The following KCMF1 variants were observed in gnomAD, a reference collection of about 807,000 sequenced individuals.
The protein encoded by KCMF1 is E3 ubiquitin-protein ligase KCMF1.
KCMF1 carries 3 observed loss-of-function variants against 41.1 expected under a neutral mutation model. That is an observed-to-expected ratio of 0.07 (90% CI 0.03 to 0.19). The LOEUF is 0.19. KCMF1 is among the 10% of genes least tolerant of loss of function. KCMF1 has a pLI of 1.00. For synonymous variants in KCMF1, 142 were observed against 164.5 expected (o/e 0.86, Z 1.04); for missense variants, 286 against 488.9 (o/e 0.58, Z 3.91).
Position 84,988,743 on chromosome 2 carries a change from A to G in KCMF1, c.16+17276A>G, listed in dbSNP as rs550979028. Among the ~76,000 whole-genome samples, 7 of 152,348 alleles carry G rather than the reference A, an allele frequency of 4.6e-5. No individual in the cohort carries two copies. In the East Asian group the frequency reaches 1.4e-3, roughly 29 times the overall value. ...GAGAGAAAGCCAGGATTTTTAATCA[A>G]ACTCTATCACAGACCAAAGCCCATG... On this transcript the variant is annotated intron_variant, in intron 1 of 6. Coordinates refer to ENST00000409785, the MANE Select transcript of KCMF1 (RefSeq NM_020122.5).
intron 1 of KCMF1, among the ~76,000 whole-genome samples, chr2:84,993,798 A>G (rs1413331027): frequency 6.7e-6 from 1 of 150,036 alleles, no homozygotes; most frequent in Non-Finnish European, 1.5e-5. Context: ...CTGGTCTCAA[A>G]CTCCTGACCT....
intron 2 of KCMF1, among the ~76,000 whole-genome samples, chr2:85,029,975 G>A (rs967219472): frequency 1.3e-5 from 2 of 151,968 alleles, no homozygotes; most frequent in African/African-American, 2.4e-5. Flanking sequence ...GAGCCACCAC[G>A]CCTGGCTTCG....
chr2:85,040,319 C>T (rs1157834877), intron 3 of KCMF1, among the ~76,000 whole-genome samples: 1 of 152,014 alleles, frequency 6.6e-6, no homozygotes, highest in Non-Finnish European at 1.5e-5. Context: ...AGGGTCAGTA[C>T]CCTAAAGTTA....
chr2:84,994,588 A>T (rs1020259444), intron 1 of KCMF1, among the ~76,000 whole-genome samples: 1 of 151,938 alleles, frequency 6.6e-6, no homozygotes, highest in African/African-American at 2.4e-5. Flanking sequence ...TTTTTAGTAG[A>T]AACGGGGTTT....
chr2:85,050,827 G>A (rs1053757236), intron 6 of KCMF1, among the ~76,000 whole-genome samples: 2 of 152,264 alleles, frequency 1.3e-5, no homozygotes, highest in South Asian at 2.1e-4. Flanking sequence ...TAATACAGTG[G>A]TGCATGTGTA....
chr2:84,995,194 A>G (rs1336776774), intron 1 of KCMF1, among the ~76,000 whole-genome samples: 2 of 151,690 alleles, frequency 1.3e-5, no homozygotes, highest in African/African-American at 4.8e-5. Context: ...GCTAATTTTC[A>G]TATTTTTAGT....
intron 1 of KCMF1, among the ~76,000 whole-genome samples, chr2:85,024,599 T>C (rs2104023690): frequency 6.6e-6 from 1 of 152,086 alleles, no homozygotes; most frequent in Middle Eastern, 3.4e-3. Flanking sequence ...TGTGTGTGTG[T>C]GTGTGTGCGC....
intron 1 of KCMF1, among the ~76,000 whole-genome samples, chr2:85,024,543 A>T (rs1179194395): frequency 1.4e-5 from 2 of 146,184 alleles, no homozygotes; most frequent in African/African-American, 5.2e-5. Flanking sequence ...TTACTTTTTG[A>T]TTTGGAGAGT....
chr2:84,978,414 C>A (rs913566147), intron 1 of KCMF1, among the ~76,000 whole-genome samples: 1 of 152,030 alleles, frequency 6.6e-6, no homozygotes, highest in Non-Finnish European at 1.5e-5. Flanking sequence ...TAAAAGAAAT[C>A]CATGCATCAT....
At chr2:85,004,593 G>A (rs756222587) in intron 1 of KCMF1, among the ~76,000 whole-genome samples, 1 of 152,066 alleles carries the variant, frequency 6.6e-6, no homozygotes, top group Non-Finnish European at 1.5e-5. Flanking sequence ...TGTGGGTGGT[G>A]CCTAAGCTAG....
chr2:85,001,792 A>G lies in KCMF1; in HGVS notation c.17-26097A>G, dbSNP rs575320583. Among the ~76,000 whole-genome samples, 6 of 152,370 alleles carry G rather than the reference A, an allele frequency of 3.9e-5. No individual in the cohort carries two copies. In the East Asian group the frequency reaches 1.2e-3, roughly 29 times the overall value. Reference sequence around the variant, plus strand: ...TCACATGTTGCCTAGCAACATAGATACATTCTGAGATCCATTGTTAAACAA... The same window carrying G: ...TCACATGTTGCCTAGCAACATAGATGCATTCTGAGATCCATTGTTAAACAA... On this transcript the variant is annotated intron_variant, in intron 1 of 6. Transcript: ENST00000409785.
chr2:84,974,691 ATTTTT>A (rs869056943), intron 1 of KCMF1, among the ~76,000 whole-genome samples: 11 of 14,648 alleles, frequency 7.5e-4, no homozygotes, highest in South Asian at 4.2e-3. Context: ...ATATATATAT[ATTTTT>A]TTTTTTTTTT....
chr2:85,039,956 G>A (rs1675486921), intron 3 of KCMF1, among the ~76,000 whole-genome samples: 1 of 152,084 alleles, frequency 6.6e-6, no homozygotes, highest in Non-Finnish European at 1.5e-5. Context: ...GGGATTACAG[G>A]CATGTGCCAC....
chr2:84,979,845 C>T (rs184649651), intron 1 of KCMF1, among the ~76,000 whole-genome samples: 53 of 151,498 alleles, frequency 3.5e-4, no homozygotes, highest in Non-Finnish European at 4.6e-4. Context: ...TTTTTGAGAC[C>T]GAGTTTCACT....
At chr2:85,023,696 C>G (rs1675012308) in intron 1 of KCMF1, among the ~76,000 whole-genome samples, 1 of 152,154 alleles carries the variant, frequency 6.6e-6, no homozygotes, top group Non-Finnish European at 1.5e-5. Flanking sequence ...TGCACACAGA[C>G]AAAAGATTCC....
intron 1 of KCMF1, among the ~76,000 whole-genome samples, chr2:85,010,283 A>G (rs1164594621): frequency 6.6e-6 from 1 of 152,148 alleles, no homozygotes; most frequent in Non-Finnish European, 1.5e-5. Flanking sequence ...AGCCTGGGCA[A>G]CGTAGTGAAA....
At chr2:85,027,764 C>G in intron 1 of KCMF1, 125 bp from the exon 2 acceptor site, 1 of 616,278 alleles carries the variant, frequency 1.6e-6, no homozygotes. Context: ...TATCATTTTA[C>G]TAAGTCATTT....
intron 4 of KCMF1, among the ~76,000 whole-genome samples, chr2:85,045,025 T>A (rs1427469213): frequency 2.6e-5 from 4 of 152,116 alleles, no homozygotes; most frequent in African/African-American, 4.8e-5. Flanking sequence ...GGTGGGAGGA[T>A]CACTTGAGCC....
At chr2:85,022,583 G>T (rs907697015) in intron 1 of KCMF1, among the ~76,000 whole-genome samples, 1 of 151,948 alleles carries the variant, frequency 6.6e-6, no homozygotes, top group Non-Finnish European at 1.5e-5. Context: ...CTGTTTTTTT[G>T]TTTGTTTGTT....
Sources: allele counts gnomAD v4.1 joint callset (sites outside exome capture counted in the v4.1 genomes callset), GRCh38; gene constraint gnomAD v4.1.1; transcripts MANE v1.5; gene names NCBI Gene and HGNC (gene_info 2026-07-23, HGNC 2026-07-21).